INO80: variants seen among roughly 807,000 people sequenced by gnomAD.
The protein encoded by INO80 is chromatin-remodeling ATPase INO80.
Under a neutral mutation model 203.4 loss-of-function variants are expected in INO80, and 20 were observed. That is an observed-to-expected ratio of 0.10 (90% CI 0.07 to 0.14). INO80 has a LOEUF of 0.14. Among genes scored for constraint, INO80 ranks in the 10% least tolerant of loss-of-function variants. INO80 has a pLI of 1.00. For synonymous variants in INO80, 726 were observed against 685.2 expected (o/e 1.06, Z -0.93); for missense variants, 1,419 against 1,914.4 (o/e 0.74, Z 4.83).
At chr15:40,995,598 C>T (rs1416002255) in intron 29 of INO80, among the ~76,000 whole-genome samples, 1 of 152,056 alleles carries the variant, frequency 6.6e-6, no homozygotes, top group African/African-American at 2.4e-5. Flanking sequence ...AACAGAGTAC[C>T]AGCATAGCAA....
intron 1 of INO80, among the ~76,000 whole-genome samples, chr15:41,103,509 C>G (rs2045838186): frequency 6.6e-6 from 1 of 152,206 alleles, no homozygotes. Flanking sequence ...CCTGCCTCAG[C>G]CTCCCAGGTA....
At chr15:41,086,062 C>G (rs1298569641) in intron 6 of INO80, among the ~76,000 whole-genome samples, 1 of 152,080 alleles carries the variant, frequency 6.6e-6, no homozygotes, top group Non-Finnish European at 1.5e-5. Flanking sequence ...TCTGAGGTAT[C>G]ACAGACTCAA....
chr15:41,059,709 C>G (rs975340367), intron 15 of INO80, among the ~76,000 whole-genome samples, 158 bp downstream of exon 15: 2 of 151,776 alleles, frequency 1.3e-5, no homozygotes, highest in Non-Finnish European at 2.9e-5. Context: ...TTGCCTACAA[C>G]AGGAAAAGTA....
At chr15:41,062,587 ATC>A (rs748434177) in intron 14 of INO80, among the ~76,000 whole-genome samples, 105 of 152,322 alleles carry the variant, frequency 6.9e-4, no homozygotes, top group Non-Finnish European at 1.2e-3. Flanking sequence ...TGGTTTGAAC[ATC>A]TCTCTCGAGG....
chr15:41,096,930 T>TA (rs1466420676), intron 1 of INO80, among the ~76,000 whole-genome samples: 1 of 152,220 alleles, frequency 6.6e-6, no homozygotes. Flanking sequence ...AAATTGGAGC[T>TA]AAAAGAGTAA....
At chr15:41,011,428 C>G (rs2044131674) in intron 27 of INO80, among the ~76,000 whole-genome samples, 1 of 152,178 alleles carries the variant, frequency 6.6e-6, no homozygotes, top group Admixed American at 6.5e-5. Flanking sequence ...ATATTTGCAT[C>G]TGCCTAGCAT....
intron 25 of INO80, among the ~76,000 whole-genome samples, chr15:41,025,607 TG>T (rs890466305): frequency 6.6e-6 from 1 of 152,056 alleles, no homozygotes; most frequent in Non-Finnish European, 1.5e-5. Flanking sequence ...CCCAGCTACC[TG>T]GGGGGCTGAG....
At chr15:41,061,298 T>A (rs1353828091) in intron 14 of INO80, among the ~76,000 whole-genome samples, 4 of 150,772 alleles carry the variant, frequency 2.7e-5, no homozygotes, top group African/African-American at 9.8e-5. Context: ...AGACTTTGTT[T>A]CAAAAAAATA....
intron 28 of INO80, 49 bp from the exon 29 acceptor site, chr15:40,997,650 T>C (rs1471540612): frequency 3.2e-6 from 4 of 1,237,208 alleles, no homozygotes; most frequent in Non-Finnish European, 4.8e-6. Flanking sequence ...AAAGAAAAAA[T>C]GGCATGTATC....
At chr15:41,076,665 C>T (rs1311253328) in intron 9 of INO80, among the ~76,000 whole-genome samples, 1 of 151,864 alleles carries the variant, frequency 6.6e-6, no homozygotes, top group Non-Finnish European at 1.5e-5. Context: ...CTGCTTGAGC[C>T]CAAGAGATTG....
Position 41,076,479 on chromosome 15 carries a change from TTA to T in INO80, c.1132-1916_1132-1915del, listed in dbSNP as rs552490327. ...TGTGCAAACTTTCTTTTTTTTTTTT[TTA>T]ATGTCAGAAGGCTAAATTAAAAGTG... is the stretch of plus-strand genomic sequence containing the variant. On this transcript the variant is annotated intron_variant, in intron 9 of 35. Transcript: ENST00000648947. Among the ~76,000 whole-genome samples the T allele has an allele frequency of 2.4e-3, 350 of 147,490 alleles. 1 individual carries two copies. Among genetic ancestry groups the T allele is most frequent in the African/African-American group, 9.3e-3 (346 of 37,204 alleles).
chr15:41,109,024 G>GA (rs1392270154), intron 1 of INO80: 2 of 166,404 alleles, frequency 1.2e-5, no homozygotes, highest in Admixed American at 5.8e-5. Flanking sequence ...ACGCCAATAA[G>GA]AAAAAAAGCA....
intron 4 of INO80, among the ~76,000 whole-genome samples, chr15:41,093,197 C>T (rs1423740103): frequency 1.3e-5 from 2 of 151,888 alleles, no homozygotes; most frequent in East Asian, 1.9e-4. Flanking sequence ...GAGGCTGAGG[C>T]GGGGGGATCA....
chr15:41,073,286 C>T (rs2045353252), intron 11 of INO80, 142 bp downstream of exon 11: 1 of 688,548 alleles, frequency 1.5e-6, no homozygotes, highest in Non-Finnish European at 2.6e-6. Context: ...CCCCTACACA[C>T]AGCTACTCAC....
chr15:41,024,162 A>G (rs1468285517), intron 25 of INO80, among the ~76,000 whole-genome samples: 2 of 152,188 alleles, frequency 1.3e-5, no homozygotes, highest in Non-Finnish European at 2.9e-5. Context: ...AGAGGTTTGC[A>G]AGACACTGTT....
intron 14 of INO80, among the ~76,000 whole-genome samples, chr15:41,063,139 C>T (rs1051638269): frequency 1.2e-4 from 18 of 152,054 alleles, no homozygotes; most frequent in African/African-American, 4.3e-4. Context: ...GAGTCCAAGA[C>T]CAGCCTGGCC....
intron 9 of INO80, among the ~76,000 whole-genome samples, chr15:41,076,729 A>G (rs2045408828): frequency 6.6e-6 from 1 of 152,084 alleles, no homozygotes; most frequent in Non-Finnish European, 1.5e-5. Flanking sequence ...GTGACAGAGT[A>G]AGATATCACT....
rs575756145 is a variant in INO80 at position 41,085,517 on chromosome 15, C to A, written c.725G>T (p.Arg242Leu). 6.2e-7 allele frequency: 1 copy of A among 1,614,116 alleles called. No individual in the cohort carries two copies. The highest frequency in any genetic ancestry group is 8.5e-7 in the Non-Finnish European group (1 of 1,180,028). Residue 242 changes from arginine to leucine, a missense_variant, in exon 7 of 36, where the codon CGT becomes CTT. Transcript: ENST00000648947. Reference protein sequence around the residue: ...DEELSSEESPRRHHHQTKVFA... With the variant: ...DEELSSEESPLRHHHQTKVFA... ...GACTTTGGTCTGGTGGTGATGGCGACGAGGGGATTCTTCAGAGGAAAGTTC... is the reference window on the plus strand; with the variant it reads ...GACTTTGGTCTGGTGGTGATGGCGAAGAGGGGATTCTTCAGAGGAAAGTTC...
intron 1 of INO80, among the ~76,000 whole-genome samples, chr15:41,099,270 A>AAAAAAAAAC: frequency 8.0e-6 from 1 of 124,510 alleles, no homozygotes; most frequent in Non-Finnish European, 1.6e-5. Flanking sequence ...AAAAAAAACA[A>AAAAAAAAAC]ACACACACAC....
Sources: allele counts gnomAD v4.1 joint callset (sites outside exome capture counted in the v4.1 genomes callset), GRCh38; gene constraint gnomAD v4.1.1; transcripts MANE v1.5; gene names NCBI Gene and HGNC (gene_info 2026-07-23, HGNC 2026-07-21).